Variants in ACVR2B observed in about 807,000 individuals in gnomAD.
The protein encoded by ACVR2B is activin A receptor type 2B.
A neutral mutation model predicts 65.1 loss-of-function variants in ACVR2B; 18 were observed. The ratio of observed to expected loss-of-function variants is 0.28; its 90% CI spans 0.19 to 0.41. The LOEUF is 0.41. ACVR2B is among the 10% of genes least tolerant of loss of function. The probability of loss-of-function intolerance (pLI) is 1.00; values close to 1 mark genes in which losing one functional copy is unlikely to be tolerated. For missense variants in ACVR2B, 482 were observed against 682.7 expected (o/e 0.71, Z 3.28); for synonymous variants, 298 against 277.7 (o/e 1.07, Z -0.73).
chr3:38,461,764 A>G (rs12636128), intron 1 of ACVR2B, among the ~76,000 whole-genome samples: 9,258 of 152,320 alleles, frequency 0.061, 448 homozygotes, highest in East Asian at 0.19. Context: ...TTTAGATGTT[A>G]CAGATAATAC....
chr3:38,457,659 G>A (rs1709572035), intron 1 of ACVR2B, among the ~76,000 whole-genome samples: 1 of 152,188 alleles, frequency 6.6e-6, no homozygotes, highest in South Asian at 2.1e-4. Flanking sequence ...AGATCAAAGG[G>A]CTTATGGGGG....
At position 38,485,001 on chromosome 3, in the gene ACVR2B, TGTCTGGGCCAA is replaced by T. The variant is rs1362366493; in HGVS notation, c.*1678_*1688del. On this transcript the variant is annotated 3_prime_UTR_variant, in exon 11 of 11. Coordinates refer to ENST00000352511, the MANE Select transcript of ACVR2B (RefSeq NM_001106.4). ...TAATTGTCATCAACTGTAGGTTGGC[TGTCTGGGCCAA>T]GTCTGGGCATTTATCAGTCTTGTTT... is the stretch of plus-strand genomic sequence containing the variant. The T allele has an allele frequency of 6.6e-6, 1 of 152,586 alleles. No individual in the cohort carries two copies. The highest frequency in any genetic ancestry group is 1.5e-5 in the Non-Finnish European group (1 of 68,046). The allele number at this position is 152,586 out of a possible 1,614,324, so 9.5% of individuals were successfully genotyped here.
In ACVR2B at chr3:38,487,597, C is replaced by T. The variant is rs1222864205; in HGVS notation, c.*4265C>T. The T allele has an allele frequency of 6.6e-6, 1 of 152,192 alleles. No homozygotes were observed. Among genetic ancestry groups the T allele is most frequent in the African/African-American group, 2.4e-5 (1 of 41,424 alleles). The allele number at this position is 152,192 out of a possible 1,614,324, so 9.4% of individuals were successfully genotyped here. On this transcript the variant is annotated 3_prime_UTR_variant, in exon 11 of 11. Coordinates refer to ENST00000352511, the MANE Select transcript of ACVR2B (RefSeq NM_001106.4). ...GGCTCAGAAAGCCTGTCACTTGGCC[C>T]CTGTGCTCTGAGCCGTGAGGGTGGG...
chr3:38,454,361 A>G lies in ACVR2B; in HGVS notation c.39A>G (p.Gly13=). The G allele has an allele frequency of 7.8e-7, 1 of 1,283,856 alleles. No individual in the cohort carries two copies. Among genetic ancestry groups the G allele is most frequent in the Non-Finnish European group, 9.8e-7 (1 of 1,017,074 alleles). The allele number at this position is 1,283,856 out of a possible 1,614,324, so 79.5% of individuals were successfully genotyped here. A position where few individuals can be genotyped will look rare whatever the true frequency, so the allele number is the denominator to read the frequency against. Residue 13 remains glycine, a synonymous_variant, in exon 1 of 11, where the codon GGA becomes GGG. Transcript: ENST00000352511. The part of the protein sequence containing the change: ...APWVALALLW[G]SLCAGSGRGE... ...GGGTGGCCCTCGCCCTCCTCTGGGG[A>G]TCGCTGTGCGCCGGTAAGAACTGGG...
At chr3:38,478,093 T>C (rs568209377) in intron 3 of ACVR2B, 48 bp from the exon 4 acceptor site, 7 of 1,609,004 alleles carry the variant, frequency 4.4e-6, no homozygotes, top group South Asian at 3.3e-5. Flanking sequence ...GCTCTGGAAG[T>C]GTGAGGGTGG....
At chr3:38,479,075 C>T in intron 5 of ACVR2B, 53 bp from the exon 6 acceptor site, 7 of 1,610,930 alleles carry the variant, frequency 4.3e-6, no homozygotes, top group Non-Finnish European at 5.1e-6. Flanking sequence ...AATGTGACTG[C>T]AGCAGGGCTA....
intron 1 of ACVR2B, among the ~76,000 whole-genome samples, chr3:38,466,864 A>G (rs75363620): frequency 0.025 from 3,842 of 152,328 alleles, 170 homozygotes; most frequent in African/African-American, 0.086. Flanking sequence ...CAGAAGGAAA[A>G]TAAATCCAGA....
chr3:38,454,407 A>G, intron 1 of ACVR2B, 33 bp downstream of exon 1: 1 of 1,243,704 alleles, frequency 8.0e-7, no homozygotes, highest in Non-Finnish European at 1.0e-6. Context: ...GGACGCCGAG[A>G]GGGCGCGCGG....
Position 38,478,435 on chromosome 3 carries a change from A to G in ACVR2B, c.583A>G (p.Ile195Val). 6.2e-7 allele frequency: 1 copy of G among 1,614,020 alleles called. No individual in the cohort carries two copies. Among genetic ancestry groups the G allele is most frequent in the Non-Finnish European group, 8.5e-7 (1 of 1,179,996 alleles). ...VGLKPLQLLE[I>V]KARGRFGCVW... The stretch of plus-strand genomic sequence containing the variant: ...CCTGAAGCCACTGCAGCTGCTGGAG[A>G]TCAAGGCTCGGGGGCGCTTTGGCTG... Residue 195 changes from isoleucine (I) to valine (V), a missense_variant, in exon 5 of 11, where the codon ATC (isoleucine) becomes GTC (valine). Around this residue, in one of 5 missense-constraint regions of ACVR2B, gnomAD observed 95 missense variants for 91.6 expected, o/e 1.04. Coordinates refer to ENST00000352511, the MANE Select transcript of ACVR2B (RefSeq NM_001106.4).
chr3:38,458,194 G>A (rs541064475), intron 1 of ACVR2B, among the ~76,000 whole-genome samples: 4 of 152,274 alleles, frequency 2.6e-5, no homozygotes, highest in South Asian at 4.1e-4. Context: ...ATCTCCAGAA[G>A]CACCTGGACC....
intron 1 of ACVR2B, among the ~76,000 whole-genome samples, chr3:38,463,647 C>T (rs1709684458): frequency 6.6e-6 from 1 of 152,176 alleles, no homozygotes; most frequent in African/African-American, 2.4e-5. Flanking sequence ...ACTTGTCAGG[C>T]CCTGCTAATG....
intron 1 of ACVR2B, among the ~76,000 whole-genome samples, chr3:38,459,368 G>T (rs534932114): frequency 2.0e-5 from 3 of 152,326 alleles, no homozygotes; most frequent in Admixed American, 6.5e-5. Flanking sequence ...CAGCCTGCCT[G>T]CCCGCACCCG....
At chr3:38,474,869 T>A (rs1395403068) in intron 1 of ACVR2B, 1 of 152,004 alleles carries the variant, frequency 6.6e-6, no homozygotes, top group Non-Finnish European at 1.5e-5. Flanking sequence ...CGGCCAGAGG[T>A]GGTAACTTCC....
In ACVR2B at chr3:38,482,231, C is replaced by T; in HGVS notation, c.1108C>T (p.Leu370Phe). 1 of 1,613,696 alleles carries T rather than the reference C, an allele frequency of 6.2e-7. No individual in the cohort carries two copies. The highest frequency in any genetic ancestry group is 1.3e-5 in the African/African-American group (1 of 74,796). Reference sequence around the variant, plus strand: ...GAGACGGTACATGGCTCCTGAGGTGCTCGAGGGAGCCATCAACTTCCAGAG... The same window carrying T: ...GAGACGGTACATGGCTCCTGAGGTGTTCGAGGGAGCCATCAACTTCCAGAG... ...GTRRYMAPEV[L>F]EGAINFQRDA... The change falls in exon 9 of 11, where the codon CTC (leucine) becomes TTC (phenylalanine). Residue 370 changes from leucine (L) to phenylalanine (F), a missense_variant. Coordinates refer to ENST00000352511, the MANE Select transcript of ACVR2B (RefSeq NM_001106.4).
At position 38,477,625 on chromosome 3, in the gene ACVR2B, G is replaced by A; in HGVS notation, c.260+131G>A. 8.4e-7 allele frequency: 1 copy of A among 1,187,790 alleles called. No homozygotes were observed. The highest frequency in any genetic ancestry group is 1.3e-5 in the South Asian group (1 of 77,376). The allele number at this position is 1,187,790 out of a possible 1,614,324, so 73.6% of individuals were successfully genotyped here. A position where few individuals can be genotyped will look rare whatever the true frequency, so the allele number is the denominator to read the frequency against. On this transcript the variant is annotated intron_variant, in intron 2 of 10. Coordinates refer to ENST00000352511, the MANE Select transcript of ACVR2B (RefSeq NM_001106.4). The surrounding 1 kb of genome is among the most constrained non-coding windows in gnomAD (Gnocchi z 6.7). Reference sequence around the variant, plus strand: ...AAGGGGCTCTTGAGATGGTAGCCATGGCCCCACGCCCTTCCACACCCTATT... The same window carrying A: ...AAGGGGCTCTTGAGATGGTAGCCATAGCCCCACGCCCTTCCACACCCTATT...
At chr3:38,462,030 TA>T (rs1467344738) in intron 1 of ACVR2B, among the ~76,000 whole-genome samples, 1 of 151,850 alleles carries the variant, frequency 6.6e-6, no homozygotes, top group East Asian at 1.9e-4. Context: ...CCGTCTCTAC[TA>T]AAAATACAAA....
In ACVR2B at chr3:38,481,292, A is replaced by C; in HGVS notation, c.960-59A>C. On this transcript the variant is annotated intron_variant, in intron 7 of 10. Transcript: ENST00000352511. The surrounding 1 kb of genome is among the most constrained non-coding windows in gnomAD (Gnocchi z 4.7). ...GGGCACAGACTCTAGTATCTTGGGA[A>C]CCAAGGTGGGAGTTGGATCATGATG... 7.0e-7 allele frequency: 1 copy of C among 1,432,742 alleles called. No homozygotes were observed. Among genetic ancestry groups the C allele is most frequent in the Non-Finnish European group, 9.8e-7 (1 of 1,016,026 alleles). 88.8% of individuals were successfully genotyped at this position (1,432,742 alleles called of 1,614,324 possible).
intron 1 of ACVR2B, among the ~76,000 whole-genome samples, chr3:38,456,757 T>C (rs35463537): frequency 0.52 from 78,594 of 151,926 alleles, 21,453 homozygotes; most frequent in Non-Finnish European, 0.61. Context: ...TGAATCCTGT[T>C]CTCATTACCT....
Position 38,478,270 on chromosome 3 carries a change from A to G in ACVR2B, c.500A>G (p.Tyr167Cys), listed in dbSNP as rs937594760. The change falls in exon 4 of 11, where the codon TAC (tyrosine) becomes TGC (cysteine). Residue 167 changes from tyrosine to cysteine, a missense_variant. By Grantham distance (194) the Tyr-to-Cys change is radical. This residue lies in a region of ACVR2B where 95 missense variants were observed against 91.6 expected (regional missense o/e 1.04). Transcript: ENST00000352511. ...ATGTACCGGCATCGCAAGCCCCCCT[A>G]CGGTCATGTGGACATCCATGAGGTG... The part of the protein sequence containing the change: ...FWMYRHRKPP[Y>C]GHVDIHEDPG... The G allele has an allele frequency of 3.7e-6, 6 of 1,613,716 alleles. No individual in the cohort carries two copies. The highest frequency in any genetic ancestry group is 3.4e-6 in the Non-Finnish European group (4 of 1,179,934).
Sources: allele counts gnomAD v4.1 joint callset (sites outside exome capture counted in the v4.1 genomes callset), GRCh38; gene constraint gnomAD v4.1.1; regional missense constraint gnomAD v4.1.1; non-coding constraint Gnocchi (gnomAD v3.1); transcripts MANE v1.5; gene names NCBI Gene and HGNC (gene_info 2026-07-23, HGNC 2026-07-21).